Variants in PDE1A observed in about 807,000 individuals in gnomAD.
PDE1A encodes phosphodiesterase 1A.
PDE1A carries 35 observed loss-of-function variants against 61.7 expected under a neutral mutation model. That is an observed-to-expected ratio of 0.57 (90% CI 0.43 to 0.75). PDE1A has a LOEUF of 0.75. Ranked by LOEUF, PDE1A falls within the 30% of genes least tolerant of loss-of-function variation. PDE1A has a pLI of 0.00. For missense variants in PDE1A, 597 were observed against 630.6 expected (o/e 0.95, Z 0.57); for synonymous variants, 232 against 213.2 (o/e 1.09, Z -0.77).
intron 1 of PDE1A, among the ~76,000 whole-genome samples, chr2:182,357,078 G>A (rs1211087800): frequency 6.6e-6 from 1 of 151,744 alleles, no homozygotes; most frequent in African/African-American, 2.4e-5. Flanking sequence ...TATACCTAAT[G>A]TAAACGATGA....
intron 2 of PDE1A, among the ~76,000 whole-genome samples, chr2:182,255,812 C>T (rs1009156089): frequency 5.9e-5 from 9 of 151,712 alleles, no homozygotes; most frequent in African/African-American, 1.5e-4. Context: ...TGTGCACTAG[C>T]GCACCTAGCT....
intron 2 of PDE1A, among the ~76,000 whole-genome samples, chr2:182,242,774 C>T (rs1690620371): frequency 6.6e-6 from 1 of 152,170 alleles, no homozygotes; most frequent in African/African-American, 2.4e-5. Flanking sequence ...GCCAGGGTTT[C>T]CAGCCTGCCA....
intron 1 of PDE1A, among the ~76,000 whole-genome samples, chr2:182,415,567 T>C (rs10497600): frequency 6.6e-6 from 1 of 152,066 alleles, no homozygotes; most frequent in South Asian, 2.1e-4. Context: ...TATATTATGA[T>C]AGCAACAAAT....
At chr2:182,650,070 G>C in the PDE1A span, among the ~76,000 whole-genome samples, 5 of 152,060 alleles carry the variant, frequency 3.3e-5, no homozygotes, top group Non-Finnish European at 7.4e-5. Flanking sequence ...CTAGGTGATA[G>C]AGCGAGACTC....
intron 1 of PDE1A, among the ~76,000 whole-genome samples, chr2:182,421,167 A>G (rs992566328): frequency 6.6e-5 from 10 of 152,192 alleles, no homozygotes; most frequent in African/African-American, 2.2e-4. Context: ...CAGATGGCAT[A>G]AAATCACTAA....
At chr2:182,627,669 G>T in the PDE1A span, among the ~76,000 whole-genome samples, 2 of 151,622 alleles carry the variant, frequency 1.3e-5, no homozygotes, top group Admixed American at 6.6e-5. Context: ...ATTGCTGGGT[G>T]CAGTGGCTCA....
chr2:182,304,036 G>A (rs1380239723), intron 1 of PDE1A, among the ~76,000 whole-genome samples: 2 of 143,784 alleles, frequency 1.4e-5, no homozygotes, highest in South Asian at 2.6e-4. Flanking sequence ...GAGTAGCTGG[G>A]ACTACAGGTG....
the PDE1A span, among the ~76,000 whole-genome samples, chr2:182,662,905 G>A: frequency 1.3e-5 from 2 of 152,106 alleles, no homozygotes; most frequent in Non-Finnish European, 2.9e-5. Flanking sequence ...CCTAGAGAAT[G>A]GGAGAAAAAT....
At chr2:182,261,469 G>A (rs1377369782) in intron 2 of PDE1A, among the ~76,000 whole-genome samples, 1 of 152,108 alleles carries the variant, frequency 6.6e-6, no homozygotes, top group African/African-American at 2.4e-5. Context: ...TAAAACTCAT[G>A]ATGCCATGGA....
intron 2 of PDE1A, among the ~76,000 whole-genome samples, chr2:182,520,846 CTAA>C (rs1256086175): frequency 6.6e-6 from 1 of 151,924 alleles, no homozygotes; most frequent in African/African-American, 2.4e-5. Context: ...CTGCTGACTG[CTAA>C]TGTTTAATTT....
chr2:182,653,424 GGT>G, the PDE1A span, among the ~76,000 whole-genome samples: 1 of 152,132 alleles, frequency 6.6e-6, no homozygotes, highest in Admixed American at 6.5e-5. Context: ...GAGGGGATGT[GGT>G]GTGTGGCAGG....
the PDE1A span, among the ~76,000 whole-genome samples, chr2:182,560,609 T>G: frequency 3.9e-5 from 6 of 152,126 alleles, no homozygotes; most frequent in South Asian, 1.0e-3. Flanking sequence ...AAATGGTATT[T>G]CTAGTTCTAG....
the PDE1A span, among the ~76,000 whole-genome samples, chr2:182,601,196 G>A: frequency 6.6e-6 from 1 of 152,218 alleles, no homozygotes; most frequent in Admixed American, 6.5e-5. Flanking sequence ...TGCAAGGGGT[G>A]TGTGAGCAAG....
intron 2 of PDE1A, among the ~76,000 whole-genome samples, chr2:182,481,970 C>T (rs1199637535): frequency 2.6e-5 from 4 of 151,916 alleles, no homozygotes; most frequent in Non-Finnish European, 5.9e-5. Flanking sequence ...AGCTACAGAA[C>T]TGGAGATATA....
the PDE1A span, among the ~76,000 whole-genome samples, chr2:182,608,192 G>C: frequency 6.6e-6 from 1 of 152,214 alleles, no homozygotes; most frequent in East Asian, 1.9e-4. Context: ...CGGGGTTATA[G>C]AAACCAGGAC....
the PDE1A span, among the ~76,000 whole-genome samples, chr2:182,638,929 G>A: frequency 6.6e-6 from 1 of 152,258 alleles, no homozygotes; most frequent in East Asian, 1.9e-4. Context: ...AATTTCAGTG[G>A]TGAGAACTCA....
chr2:182,496,753 C>T (rs2125902379), intron 2 of PDE1A, among the ~76,000 whole-genome samples: 1 of 152,362 alleles, frequency 6.6e-6, no homozygotes, highest in East Asian at 1.9e-4. Flanking sequence ...AGGCAGCGGA[C>T]TGATAGCAGC....
intron 2 of PDE1A, among the ~76,000 whole-genome samples, chr2:182,446,171 C>G (rs1410521271): frequency 6.6e-6 from 1 of 151,972 alleles, no homozygotes; most frequent in African/African-American, 2.4e-5. Flanking sequence ...GCAAAGTGGT[C>G]AGCAATGGTT....
At chr2:182,578,690 C>T in the PDE1A span, among the ~76,000 whole-genome samples, 1 of 152,076 alleles carries the variant, frequency 6.6e-6, no homozygotes, top group African/African-American at 2.4e-5. Flanking sequence ...TTTACATGAA[C>T]CTGAAAGAAT....
Sources: allele counts gnomAD v4.1 joint callset (sites outside exome capture counted in the v4.1 genomes callset), GRCh38; gene constraint gnomAD v4.1.1; transcripts MANE v1.5; gene names NCBI Gene and HGNC (gene_info 2026-07-23, HGNC 2026-07-21).